DMBT1: variants seen among roughly 807,000 people sequenced by gnomAD.
DMBT1 encodes the protein scavenger receptor cysteine-rich domain-containing protein DMBT1.
DMBT1 carries 198 observed loss-of-function variants against 252.9 expected under a neutral mutation model. That is an observed-to-expected ratio of 0.78 (90% CI 0.70 to 0.88). The LOEUF (loss-of-function observed/expected upper bound fraction) is 0.88, where lower values mean the gene tolerates loss of function less well. Among genes scored for constraint, DMBT1 ranks in the 40% least tolerant of loss-of-function variants. The pLI is 0.00. For missense variants in DMBT1, 2,432 were observed against 2,404.7 expected, an observed-to-expected ratio of 1.01 and a Z score of -0.24; for synonymous variants, 990 against 942.7, an observed-to-expected ratio of 1.05 and a Z score of -0.92.
Position 122,593,726 on chromosome 10 carries a change from C to A in DMBT1, c.2530+128C>A, listed in dbSNP as rs1003274350. 2 of 1,305,262 alleles carry A rather than the reference C, an allele frequency of 1.5e-6. 1 individual carries two copies. Among genetic ancestry groups the A allele is most frequent in the Non-Finnish European group, 2.1e-6 (2 of 941,764 alleles). The allele number at this position is 1,305,262 out of a possible 1,614,324, so 80.9% of individuals were successfully genotyped here. ...GGGCATATTATTTCCACCCCCAACACCGGCTGTGTAACTGAGACCCCAGCA... is the reference window on the plus strand; with the variant it reads ...GGGCATATTATTTCCACCCCCAACAACGGCTGTGTAACTGAGACCCCAGCA... On this transcript the variant is annotated intron_variant, in intron 21 of 55. Coordinates refer to ENST00000338354, the MANE Select transcript of DMBT1 (RefSeq NM_001377530.1).
At chr10:122,569,048 A>G (rs943105961) in intron 2 of DMBT1, among the ~76,000 whole-genome samples, 3 of 152,212 alleles carry the variant, frequency 2.0e-5, no homozygotes, top group Non-Finnish European at 2.9e-5. Context: ...ATTGGAGGGC[A>G]GGTGGTACTG....
intron 10 of DMBT1, among the ~76,000 whole-genome samples, chr10:122,580,411 A>C (rs1203386095): frequency 1.3e-5 from 2 of 152,122 alleles, no homozygotes; most frequent in Middle Eastern, 3.2e-3. Flanking sequence ...GGAGTTCTTG[A>C]CCTCAGCTCT....
intron 47 of DMBT1, 74 bp from the exon 48 acceptor site, chr10:122,630,214 A>G: frequency 6.7e-7 from 1 of 1,497,708 alleles, no homozygotes; most frequent in Non-Finnish European, 9.3e-7. Context: ...ATCCCTCGTA[A>G]AGTGCAAACT....
At chr10:122,576,284 A>G (rs1215797462) in intron 6 of DMBT1, 115 bp from the exon 7 acceptor site, 4 of 1,442,330 alleles carry the variant, frequency 2.8e-6, no homozygotes, top group Non-Finnish European at 3.8e-6. Flanking sequence ...GCCCAGCCCA[A>G]TTAGAGATTC....
At chr10:122,617,943 C>T in intron 40 of DMBT1, 74 bp from the exon 41 acceptor site, 1 of 1,594,256 alleles carries the variant, frequency 6.3e-7, no homozygotes, top group East Asian at 2.3e-5. Context: ...AGGAAGTACC[C>T]TGAGTGTGGA....
chr10:122,618,660 G>A (rs1197069419), intron 41 of DMBT1, among the ~76,000 whole-genome samples: 1 of 152,322 alleles, frequency 6.6e-6, no homozygotes, highest in East Asian at 1.9e-4. Flanking sequence ...CACTGGTTGA[G>A]GGTATCGTGG....
intron 55 of DMBT1, among the ~76,000 whole-genome samples, chr10:122,641,785 G>A (rs143946534): frequency 6.6e-6 from 1 of 152,122 alleles, no homozygotes; most frequent in African/African-American, 2.4e-5. Context: ...GTGTGTGCAG[G>A]GGTAGATGTA....
intron 15 of DMBT1, among the ~76,000 whole-genome samples, chr10:122,585,513 T>C (rs1171583567): frequency 2.7e-5 from 4 of 147,916 alleles, no homozygotes; most frequent in Non-Finnish European, 6.0e-5. Context: ...TTTTCTCCCG[T>C]GGAATCCTGT....
rs368997242 is a variant in DMBT1, at chr10:122,586,048, T to G, written c.1460-12T>G. On this transcript the variant is annotated splice_polypyrimidine_tract_variant and intron_variant, in intron 15 of 55. Transcript: ENST00000338354. ...ATAGGGATGGATGAAGGGTTCTTGT[T>G]TTCCCCTGTAGGATCTGAATCCAGT... The G allele has an allele frequency of 8.0e-5, 127 of 1,588,288 alleles. 12 individuals are homozygous for G. Among genetic ancestry groups the G allele is most frequent in the African/African-American group, 7.6e-4 (57 of 74,690 alleles).
rs752845588 is a variant in DMBT1, at chr10:122,618,050, A to G, written c.4925A>G (p.Asn1642Ser). The G allele has an allele frequency of 1.9e-6, 3 of 1,613,354 alleles. No individual in the cohort carries two copies. In the South Asian group the frequency reaches 3.3e-5, roughly 18 times the overall value. Residue 1642 changes from asparagine (N) to serine (S), a missense_variant, in exon 41 of 56, where the codon AAT (asparagine) becomes AGT (serine). Physicochemically the swap from Asn to Ser is conservative, Grantham distance 46. Transcript: ENST00000338354. ...TCCACTTTGGCCCTGAGACTGGTGA[A>G]TGGAGGTGACAGGTGTCGAGGCCGA... The part of the protein sequence containing the change: ...SESTLALRLV[N>S]GGDRCRGRVE...
intron 44 of DMBT1, 110 bp from the exon 45 acceptor site, chr10:122,625,167 A>C: frequency 1.0e-6 from 1 of 1,002,330 alleles, no homozygotes; most frequent in Non-Finnish European, 1.6e-6. Context: ...CTCCTGGATG[A>C]CTCTTGGGGA....
intron 11 of DMBT1, among the ~76,000 whole-genome samples, chr10:122,581,412 C>G (rs970379478): frequency 1.8e-3 from 263 of 147,354 alleles, no homozygotes; most frequent in African/African-American, 6.3e-3. Flanking sequence ...TAACCAGAAA[C>G]CTGATTCCTG....
At position 122,587,144 on chromosome 10, in the gene DMBT1, G is replaced by A. The variant is rs116513321; in HGVS notation, c.1783+761G>A. ...GGGACAAACATCCAAACTATAGCAT[G>A]CTGCCTCTCCAGGGTTCCACCTTTC... On this transcript the variant is annotated intron_variant, in intron 16 of 55. Coordinates refer to ENST00000338354, the MANE Select transcript of DMBT1 (RefSeq NM_001377530.1). 2.3e-3 allele frequency among the ~76,000 whole-genome samples: 337 copies of A among 148,444 alleles called. 10 individuals carry two copies. Among genetic ancestry groups the A allele is most frequent in the African/African-American group, 7.8e-3 (323 of 41,182 alleles).
Position 122,578,759 on chromosome 10 carries a change from G to A in DMBT1, c.679G>A (p.Gly227Arg). ...VRISPPVPTE[G>R]SESSLALRLV... is the part of the protein sequence containing the mutation. Reference sequence around the variant, plus strand: ...GATATCACCACCTGTACCCACAGAAGGTAAAGAATCCTCTCAACACTCCCT... The same window carrying A: ...GATATCACCACCTGTACCCACAGAAAGTAAAGAATCCTCTCAACACTCCCT... The change falls in exon 9 of 56, where the codon GGA becomes AGA. Residue 227 changes from glycine to arginine, a missense_variant and splice_region_variant. Gly to Arg is a moderately radical substitution (Grantham distance 125). Around this residue, in one of 3 missense-constraint regions of DMBT1, gnomAD observed 1,264 missense variants for 1,082.2 expected, o/e 1.17. Transcript: ENST00000338354. The A allele has an allele frequency of 1.2e-6, 2 of 1,607,190 alleles. No individual in the cohort carries two copies. The highest frequency in any genetic ancestry group is 1.3e-5 in the African/African-American group (1 of 74,952).
At chr10:122,632,732 G>A in intron 50 of DMBT1, 129 bp from the exon 51 acceptor site, 2 of 1,245,104 alleles carry the variant, frequency 1.6e-6, no homozygotes. Context: ...GCTCCCCAAG[G>A]GCAAGGCCTG....
In DMBT1 at chr10:122,636,025, G is replaced by A; in HGVS notation, c.6583G>A (p.Val2195Ile). 1.2e-6 allele frequency: 2 copies of A among 1,614,022 alleles called. No individual in the cohort carries two copies. Among genetic ancestry groups the A allele is most frequent in the South Asian group, 1.1e-5 (1 of 91,082 alleles). The change falls in exon 53 of 56, where the codon GTT becomes ATT. Residue 2195 changes from valine (V) to isoleucine (I), a missense_variant. By Grantham distance (29) the Val-to-Ile change is conservative. Coordinates refer to ENST00000338354, the MANE Select transcript of DMBT1 (RefSeq NM_001377530.1). ...EGGCNYDYIE[V>I]FDGPYRSSPL... ...TGGCTGCAACTATGATTATATTGAA[G>A]TTTTCGATGGCCCCTACCGCAGTTC...
intron 54 of DMBT1, 73 bp from the exon 55 acceptor site, chr10:122,639,967 A>C (rs1844233194): frequency 1.4e-5 from 21 of 1,532,568 alleles, no homozygotes; most frequent in Non-Finnish European, 1.8e-5. Flanking sequence ...TCTCATTCAC[A>C]CCCAAATCAG....
Position 122,588,968 on chromosome 10 carries a change from G to A in DMBT1, c.1808G>A (p.Arg603Lys). 6.3e-7 allele frequency: 1 copy of A among 1,588,358 alleles called. No individual in the cohort carries two copies. Among genetic ancestry groups the A allele is most frequent in the Non-Finnish European group, 8.6e-7 (1 of 1,165,832 alleles). The stretch of plus-strand genomic sequence containing the variant: ...GGACCTGAATCCAGTTTGGCCCTGA[G>A]GCTGGTGAATGGAGGTGACAGGTGT... Reference protein sequence around the residue: ...CSGPESSLALRLVNGGDRCQG... With the variant: ...CSGPESSLALKLVNGGDRCQG... The change falls in exon 17 of 56, where the codon AGG (arginine) becomes AAG (lysine). Residue 603 changes from arginine to lysine, a missense_variant. Coordinates refer to ENST00000338354, the MANE Select transcript of DMBT1 (RefSeq NM_001377530.1).
chr10:122,585,546 T>C (rs1263141916), intron 15 of DMBT1, among the ~76,000 whole-genome samples: 3 of 148,298 alleles, frequency 2.0e-5, no homozygotes, highest in Admixed American at 2.0e-4. Context: ...GGAAACATCC[T>C]CATCCAGGTG....
Sources: allele counts gnomAD v4.1 joint callset (sites outside exome capture counted in the v4.1 genomes callset), GRCh38; gene constraint gnomAD v4.1.1; regional missense constraint gnomAD v4.1.1; transcripts MANE v1.5; gene names NCBI Gene and HGNC (gene_info 2026-07-23, HGNC 2026-07-21).